Variants in CPEB1 observed in about 807,000 individuals in gnomAD.
CPEB1 encodes cytoplasmic polyadenylation element binding protein 1, also known as cytoplasmic polyadenylation element-binding protein 1.
CPEB1 carries 7 observed loss-of-function variants against 65.8 expected under a neutral mutation model. The ratio of observed to expected loss-of-function variants is 0.11; its 90% CI spans 0.06 to 0.20. The LOEUF is 0.20. CPEB1 is among the 10% of genes least tolerant of loss of function. The probability of loss-of-function intolerance (pLI) is 1.00; values close to 1 mark genes in which losing one functional copy is unlikely to be tolerated. For synonymous variants in CPEB1, 262 were observed against 260.0 expected, an observed-to-expected ratio of 1.01 and a Z score of -0.08; for missense variants, 551 against 712.2, an observed-to-expected ratio of 0.77 and a Z score of 2.58.
intron 3 of CPEB1, among the ~76,000 whole-genome samples, chr15:82,587,226 C>CCA (rs895901451): frequency 6.6e-6 from 1 of 152,094 alleles, no homozygotes; most frequent in African/African-American, 2.4e-5. Context: ...ACAGGACTCT[C>CCA]CAACTGCTGA....
chr15:82,560,400 GTTT>G (rs548856094), intron 4 of CPEB1, among the ~76,000 whole-genome samples: 6 of 134,340 alleles, frequency 4.5e-5, no homozygotes, highest in South Asian at 2.4e-4. Flanking sequence ...ATTGTCATTT[GTTT>G]TTTTTTTTTT....
chr15:82,638,368 T>C (rs530058879), intron 1 of CPEB1, among the ~76,000 whole-genome samples: 17 of 152,306 alleles, frequency 1.1e-4, no homozygotes, highest in Admixed American at 1.0e-3. Context: ...TATGCAAATA[T>C]AACAAACGTT....
At chr15:82,598,551 G>A (rs2042850462) in intron 3 of CPEB1, among the ~76,000 whole-genome samples, 1 of 152,068 alleles carries the variant, frequency 6.6e-6, no homozygotes, top group African/African-American at 2.4e-5. Context: ...TTGGGAGGCG[G>A]AGGTGGGTGG....
At chr15:82,648,237 A>G (rs1285948513), upstream of CPEB1, 1 of 236,460 alleles carries the variant, frequency 4.2e-6, no homozygotes, top group East Asian at 8.0e-5. Context: ...ACCCTTGCCG[A>G]GTCACTGTCT....
intron 1 of CPEB1, among the ~76,000 whole-genome samples, chr15:82,634,834 C>A (rs945399463): frequency 6.6e-6 from 1 of 152,114 alleles, no homozygotes; most frequent in African/African-American, 2.4e-5. Context: ...TCTGCTGAGA[C>A]GTACTCTGGC....
chr15:82,641,984 G>T (rs1329217094), intron 1 of CPEB1, among the ~76,000 whole-genome samples: 1 of 152,132 alleles, frequency 6.6e-6, no homozygotes, highest in East Asian at 1.9e-4. Flanking sequence ...CTGAAATTTG[G>T]ATACTAACTT....
intron 3 of CPEB1, among the ~76,000 whole-genome samples, chr15:82,612,127 T>C (rs1236636471): frequency 3.3e-5 from 5 of 152,108 alleles, no homozygotes; most frequent in African/African-American, 1.2e-4. Context: ...TAAACATTTA[T>C]GCCAATGAAT....
intron 1 of CPEB1, among the ~76,000 whole-genome samples, chr15:82,642,501 T>C (rs1287165817): frequency 2.0e-5 from 3 of 152,194 alleles, no homozygotes; most frequent in South Asian, 2.1e-4. Context: ...TAAGCTGTGA[T>C]TGCACCACTG....
At chr15:82,579,164 T>C (rs2040973308) in intron 3 of CPEB1, among the ~76,000 whole-genome samples, 1 of 152,114 alleles carries the variant, frequency 6.6e-6, no homozygotes, top group Non-Finnish European at 1.5e-5. Flanking sequence ...ATTTATGTCA[T>C]TAAAAACTAT....
At chr15:82,623,530 G>C (rs958137982) in intron 3 of CPEB1, among the ~76,000 whole-genome samples, 2 of 152,136 alleles carry the variant, frequency 1.3e-5, no homozygotes, top group Admixed American at 1.3e-4. Context: ...ACAAAAATTA[G>C]CCAGGCGTGG....
intron 3 of CPEB1, among the ~76,000 whole-genome samples, chr15:82,582,412 A>G (rs887286095): frequency 2.6e-5 from 4 of 152,240 alleles, no homozygotes; most frequent in African/African-American, 9.6e-5. Context: ...AAAAGAAAGC[A>G]GGAAAGAAGC....
chr15:82,641,304 G>A (rs1678203006), intron 1 of CPEB1, among the ~76,000 whole-genome samples: 1 of 152,182 alleles, frequency 6.6e-6, no homozygotes, highest in African/African-American at 2.4e-5. Flanking sequence ...GACAGATGGT[G>A]TCAGGGCCAG....
intron 6 of CPEB1, 123 bp from the exon 7 acceptor site, chr15:82,554,114 G>C (rs532790014): frequency 5.3e-5 from 31 of 579,862 alleles, no homozygotes; most frequent in Non-Finnish European, 8.2e-5. Flanking sequence ...AGATGCCTGA[G>C]AGAATATCCA....
At chr15:82,581,754 C>T (rs974969917) in intron 3 of CPEB1, among the ~76,000 whole-genome samples, 1 of 152,056 alleles carries the variant, frequency 6.6e-6, no homozygotes, top group Admixed American at 6.5e-5. Context: ...AAAAATCTCC[C>T]CGACACCAGG....
At chr15:82,554,796 G>C (rs2036899348) in intron 6 of CPEB1, among the ~76,000 whole-genome samples, 1 of 152,220 alleles carries the variant, frequency 6.6e-6, no homozygotes, top group Admixed American at 6.5e-5. Flanking sequence ...TTCCTAAAAG[G>C]AATAGGCCCA....
intron 1 of CPEB1, among the ~76,000 whole-genome samples, chr15:82,646,557 G>A (rs1451210565): frequency 1.3e-5 from 2 of 152,150 alleles, no homozygotes; most frequent in African/African-American, 4.8e-5. Flanking sequence ...CCCCAGCTGA[G>A]AGCACGGTGC....
intron 3 of CPEB1, among the ~76,000 whole-genome samples, chr15:82,616,235 G>A (rs979325242): frequency 6.6e-6 from 1 of 151,994 alleles, no homozygotes; most frequent in Non-Finnish European, 1.5e-5. Context: ...TTTGTTTTGT[G>A]ACAATTTACC....
At chr15:82,615,215 C>A (rs550670051) in intron 3 of CPEB1, among the ~76,000 whole-genome samples, 1 of 152,156 alleles carries the variant, frequency 6.6e-6, no homozygotes, top group African/African-American at 2.4e-5. Flanking sequence ...CAAAACTGTA[C>A]CCTATCCTCC....
chr15:82,608,880 AAAG>A (rs1404646440), intron 3 of CPEB1, among the ~76,000 whole-genome samples: 3 of 152,230 alleles, frequency 2.0e-5, no homozygotes, highest in African/African-American at 7.2e-5. Context: ...TCAATCTACA[AAAG>A]AAGAATACAC....
Sources: allele counts gnomAD v4.1 joint callset (sites outside exome capture counted in the v4.1 genomes callset), GRCh38; gene constraint gnomAD v4.1.1; transcripts MANE v1.5; gene names NCBI Gene and HGNC (gene_info 2026-07-23, HGNC 2026-07-21).